Variants in CALD1 observed in about 807,000 individuals in gnomAD.
The protein encoded by CALD1 is caldesmon 1.
Under a neutral mutation model 99.9 loss-of-function variants are expected in CALD1, and 33 were observed. The observed-to-expected ratio is 0.33, with a 90% CI of 0.25 to 0.44. The LOEUF is 0.44. CALD1 is among the 20% of genes least tolerant of loss of function. The probability of loss-of-function intolerance (pLI) is 1.00; values close to 1 mark genes in which losing one functional copy is unlikely to be tolerated. For missense variants in CALD1, 861 were observed against 962.1 expected (o/e 0.89, Z 1.39); for synonymous variants, 310 against 325.0 (o/e 0.95, Z 0.50).
At chr7:134,922,851 C>T (rs1230781130) in intron 3 of CALD1, among the ~76,000 whole-genome samples, 2 of 152,196 alleles carry the variant, frequency 1.3e-5, no homozygotes, top group African/African-American at 2.4e-5. Flanking sequence ...GCAGCAAGGC[C>T]TGGTGTTAAA....
the CALD1 span, among the ~76,000 whole-genome samples, chr7:134,723,534 C>CTT: frequency 3.8e-4 from 33 of 87,674 alleles, no homozygotes; most frequent in Non-Finnish European, 5.8e-4. Flanking sequence ...GAAAAGGTAA[C>CTT]TTTTTTTTTT....
chr7:134,712,260 T>C, the CALD1 span, among the ~76,000 whole-genome samples: 1 of 152,172 alleles, frequency 6.6e-6, no homozygotes, highest in Non-Finnish European at 1.5e-5. Flanking sequence ...ATCAGACATC[T>C]CTCTCAACTA....
At chr7:134,823,227 T>G (rs1372220848) in intron 1 of CALD1, among the ~76,000 whole-genome samples, 1 of 152,166 alleles carries the variant, frequency 6.6e-6, no homozygotes, top group Non-Finnish European at 1.5e-5. Flanking sequence ...CTGAATGGGA[T>G]GAATAAAATA....
chr7:134,772,465 C>A (rs1796885095), intron 1 of CALD1, among the ~76,000 whole-genome samples: 1 of 152,114 alleles, frequency 6.6e-6, no homozygotes, highest in African/African-American at 2.4e-5. Flanking sequence ...ATTACATTTT[C>A]AATAGTAGAC....
chr7:134,899,002 C>A (rs1224175950), intron 3 of CALD1, among the ~76,000 whole-genome samples: 1 of 152,124 alleles, frequency 6.6e-6, no homozygotes, highest in Non-Finnish European at 1.5e-5. Flanking sequence ...GTTTTAAGAC[C>A]ACTTTTTATT....
intron 1 of CALD1, among the ~76,000 whole-genome samples, chr7:134,760,364 A>G (rs1796767250): frequency 1.3e-5 from 2 of 152,368 alleles, no homozygotes; most frequent in Admixed American, 1.3e-4. Flanking sequence ...ATAAAATCAC[A>G]TAAGCAATGA....
intron 3 of CALD1, among the ~76,000 whole-genome samples, chr7:134,926,430 G>C (rs1322463955): frequency 6.6e-6 from 1 of 152,140 alleles, no homozygotes; most frequent in Non-Finnish European, 1.5e-5. Context: ...CCATTTTATA[G>C]AATTACTAAG....
chr7:134,737,848 T>C, the CALD1 span, among the ~76,000 whole-genome samples: 2 of 152,242 alleles, frequency 1.3e-5, no homozygotes, highest in Non-Finnish European at 2.9e-5. Context: ...CAAAATATTA[T>C]TAGCCAGGGA....
chr7:134,833,429 C>T (rs1799310451), intron 1 of CALD1, among the ~76,000 whole-genome samples: 1 of 152,102 alleles, frequency 6.6e-6, no homozygotes, highest in African/African-American at 2.4e-5. Context: ...AGTTTGTGGC[C>T]ACGTAAGACT....
At chr7:134,776,696 C>A (rs575780229), upstream of CALD1, among the ~76,000 whole-genome samples, 3 of 152,212 alleles carry the variant, frequency 2.0e-5, no homozygotes, top group African/African-American at 7.2e-5. Flanking sequence ...TGTTCTGCTG[C>A]CTTTTAAAAC....
chr7:134,845,887 AAT>A (rs1412631119), intron 2 of CALD1, among the ~76,000 whole-genome samples: 3 of 152,166 alleles, frequency 2.0e-5, no homozygotes, highest in Non-Finnish European at 4.4e-5. Flanking sequence ...TAGATGAGCT[AAT>A]GTGTGTGTCT....
intron 1 of CALD1, among the ~76,000 whole-genome samples, chr7:134,840,051 T>C (rs958654661): frequency 1.3e-5 from 2 of 152,216 alleles, no homozygotes; most frequent in Admixed American, 1.3e-4. Flanking sequence ...CTCCACTCTT[T>C]TTATGGTTTT....
intron 3 of CALD1, chr7:134,891,735 C>T (rs1436485591): frequency 2.4e-5 from 18 of 742,144 alleles, no homozygotes; most frequent in Admixed American, 2.2e-4. Flanking sequence ...AAAAAACAAA[C>T]GAATTGTTGT....
intron 13 of CALD1, among the ~76,000 whole-genome samples, chr7:134,965,041 A>G (rs2133289482): frequency 6.6e-6 from 1 of 152,264 alleles, no homozygotes; most frequent in East Asian, 1.9e-4. Flanking sequence ...ACTTGAAATC[A>G]GTAGATGGAG....
intron 13 of CALD1, among the ~76,000 whole-genome samples, chr7:134,963,964 T>C (rs776929279): frequency 2.6e-5 from 4 of 152,162 alleles, no homozygotes; most frequent in African/African-American, 4.8e-5. Flanking sequence ...TTTGAGAGGC[T>C]GAGGCGGGCA....
intron 3 of CALD1, among the ~76,000 whole-genome samples, chr7:134,928,466 A>G (rs1173498384): frequency 6.7e-6 from 1 of 149,588 alleles, no homozygotes; most frequent in Non-Finnish European, 1.5e-5. Context: ...ACTAACCCAC[A>G]GTTTCCAAAG....
chr7:134,834,882 C>T (rs1008511198), intron 1 of CALD1, among the ~76,000 whole-genome samples: 5 of 152,212 alleles, frequency 3.3e-5, no homozygotes, highest in Admixed American at 1.3e-4. Context: ...TCCACTGGCC[C>T]TTCCCAGGGC....
chr7:134,913,582 A>G (rs988761893), intron 3 of CALD1, among the ~76,000 whole-genome samples: 3 of 152,252 alleles, frequency 2.0e-5, no homozygotes, highest in Non-Finnish European at 2.9e-5. Context: ...ACATAAATGT[A>G]TATATCAGTG....
chr7:134,928,823 G>A lies in CALD1; in HGVS notation c.141G>A (p.Gln47=). 6.2e-7 allele frequency: 1 copy of A among 1,614,038 alleles called. No homozygotes were observed. The highest frequency in any genetic ancestry group is 8.5e-7 in the Non-Finnish European group (1 of 1,179,936). Residue 47 remains glutamine, a synonymous_variant, in exon 4 of 15, where the codon CAG becomes CAA. Coordinates refer to ENST00000361675, the MANE Select transcript of CALD1 (RefSeq NM_033138.4). The part of the protein sequence containing the change: ...AARERRRRAR[Q]ERLRQKQEEE... ...GGGAACGGCGCCGCCGAGCCCGACA[G>A]GAACGGCTGCGGCAGAAGCAGGAGG...
Sources: allele counts gnomAD v4.1 joint callset (sites outside exome capture counted in the v4.1 genomes callset), GRCh38; gene constraint gnomAD v4.1.1; transcripts MANE v1.5; gene names NCBI Gene and HGNC (gene_info 2026-07-23, HGNC 2026-07-21).